The following FARSB variants were observed in gnomAD, a reference collection of about 807,000 sequenced individuals.
FARSB encodes the protein phenylalanyl-tRNA synthetase subunit beta.
A neutral mutation model predicts 69.6 loss-of-function variants in FARSB; 40 were observed. The observed-to-expected ratio is 0.57, with a 90% CI of 0.45 to 0.75. The LOEUF is 0.75. Among genes scored for constraint, FARSB ranks in the 30% least tolerant of loss-of-function variants. The pLI, the probability that FARSB is intolerant of heterozygous loss-of-function variation, is 0.00. For missense variants in FARSB, 632 were observed against 722.9 expected (o/e 0.87, Z 1.44); for synonymous variants, 235 against 247.2 (o/e 0.95, Z 0.46).
intron 2 of FARSB, among the ~76,000 whole-genome samples, 193 bp downstream of exon 2, chr2:222,648,547 T>C (rs1199573961): frequency 6.6e-6 from 1 of 152,238 alleles, no homozygotes; most frequent in Non-Finnish European, 1.5e-5. Flanking sequence ...GAATAAGGCA[T>C]GAACTCCTTT....
intron 1 of FARSB, among the ~76,000 whole-genome samples, chr2:222,653,682 G>A (rs1225182134): frequency 1.3e-5 from 2 of 150,708 alleles, no homozygotes; most frequent in Non-Finnish European, 2.9e-5. Context: ...CAGGGCTGGA[G>A]TGCAGTGGCT....
intron 16 of FARSB, among the ~76,000 whole-genome samples, chr2:222,593,113 G>A (rs192483115): frequency 1.2e-3 from 186 of 152,178 alleles, no homozygotes; most frequent in African/African-American, 4.2e-3. Context: ...CAGATAAGAG[G>A]AGACTACTAT....
chr2:222,616,405 G>C (rs1185313252), intron 14 of FARSB, among the ~76,000 whole-genome samples: 1 of 151,978 alleles, frequency 6.6e-6, no homozygotes, highest in African/African-American at 2.4e-5. Flanking sequence ...AAATTAGCTG[G>C]GCGCGGCAGC....
rs1054521434 is a variant in FARSB at position 222,599,970 on chromosome 2, G to C, written c.1576C>G (p.Pro526Ala). 8.7e-6 allele frequency: 14 copies of C among 1,608,742 alleles called. No homozygotes were observed. The Admixed American group carries it at 2.1e-4, about 24-fold the overall frequency. The change falls in exon 16 of 17, where the codon CCT (proline) becomes GCT (alanine). Residue 526 changes from proline (P) to alanine (A), a missense_variant. Coordinates refer to ENST00000281828, the MANE Select transcript of FARSB (RefSeq NM_005687.5). ...ACATATCCCCCCTTGTCTTCACCAG[G>C]AGGCACATCGAGCAACTGCATAATT... ...DRIMQLLDVPPGEDKGGYVIK... is the reference protein window; with the variant it reads ...DRIMQLLDVPAGEDKGGYVIK...
intron 15 of FARSB, among the ~76,000 whole-genome samples, chr2:222,602,774 G>A (rs1203079602): frequency 6.6e-6 from 1 of 152,060 alleles, no homozygotes; most frequent in Admixed American, 6.5e-5. Context: ...ATGAAAGAAC[G>A]TGGTGTATCT....
At chr2:222,613,329 G>A (rs1388241974) in intron 15 of FARSB, among the ~76,000 whole-genome samples, 1 of 152,194 alleles carries the variant, frequency 6.6e-6, no homozygotes, top group Non-Finnish European at 1.5e-5. Flanking sequence ...GCTGAGGCGG[G>A]TGGTCAGAAG....
At chr2:222,608,635 A>G (rs1191852381) in intron 15 of FARSB, among the ~76,000 whole-genome samples, 1 of 152,244 alleles carries the variant, frequency 6.6e-6, no homozygotes, top group Non-Finnish European at 1.5e-5. Context: ...TCTACATCCA[A>G]ACTAAGCAGG....
In FARSB at chr2:222,606,063, A is replaced by G. The variant is rs1690697439; in HGVS notation, c.1463-5980T>C. Among the ~76,000 whole-genome samples, 7 of 152,212 alleles carry G rather than the reference A, an allele frequency of 4.6e-5. No individual in the cohort carries two copies. In the South Asian group the frequency reaches 1.5e-3, roughly 32 times the overall value. ...TTAATTTTGCAATATTTTTAAGAAA[A>G]GCCTGATTTCTAGGGCTTTGTATTA... On this transcript the variant is annotated intron_variant, in intron 15 of 16. Coordinates refer to ENST00000281828, the MANE Select transcript of FARSB (RefSeq NM_005687.5).
chr2:222,616,471 C>T (rs1022437854), intron 14 of FARSB, among the ~76,000 whole-genome samples: 1 of 139,038 alleles, frequency 7.2e-6, no homozygotes, highest in Non-Finnish European at 1.5e-5. Flanking sequence ...TGCTTGAACC[C>T]AGAAGGCGGA....
chr2:222,623,109 A>C (rs1030249096), intron 13 of FARSB, among the ~76,000 whole-genome samples: 7 of 152,138 alleles, frequency 4.6e-5, no homozygotes, highest in Non-Finnish European at 8.8e-5. Context: ...TTGCATACAC[A>C]TTTTATTCTT....
Position 222,567,181 on chromosome 2 carries a change from A to G in FARSB, c.*4690T>C, listed in dbSNP as rs551094374. ...ATCACCTGCCAAAGGCCTCATCTCC[A>G]AAGACCATCACACTGGAGGTCAGAG... On this transcript the variant is annotated 3_prime_UTR_variant, in exon 17 of 17. Transcript: ENST00000281828. The G allele has an allele frequency of 1.3e-5, 2 of 152,328 alleles. No individual in the cohort carries two copies. Among genetic ancestry groups the G allele is most frequent in the East Asian group, 3.9e-4 (2 of 5,182 alleles). The allele number at this position is 152,328 out of a possible 1,614,324, so 9.4% of individuals were successfully genotyped here.
intron 12 of FARSB, 147 bp downstream of exon 12, chr2:222,624,125 T>C: frequency 1.6e-6 from 1 of 639,060 alleles, no homozygotes. Context: ...GGCATCTGTT[T>C]TGTATCCTCT....
intron 13 of FARSB, 133 bp downstream of exon 13, chr2:222,623,517 C>A: frequency 1.4e-6 from 1 of 704,496 alleles, no homozygotes; most frequent in South Asian, 1.6e-5. Context: ...TCTCAAGTAA[C>A]AAAGTTATTC....
intron 15 of FARSB, among the ~76,000 whole-genome samples, chr2:222,605,167 C>A (rs1690669387): frequency 6.6e-6 from 1 of 151,176 alleles, no homozygotes. Context: ...AACTTTCTCT[C>A]TCTCTCTCTC....
chr2:222,569,792 G>A lies in FARSB; in HGVS notation c.*2079C>T, dbSNP rs925232742. 6.6e-6 allele frequency: 1 copy of A among 152,194 alleles called. No homozygotes were observed. Among genetic ancestry groups the A allele is most frequent in the African/African-American group, 2.4e-5 (1 of 41,440 alleles). 9.4% of individuals were successfully genotyped at this position (152,194 alleles called of 1,614,324 possible). A position where few individuals can be genotyped will look rare whatever the true frequency, so the allele number is the denominator to read the frequency against. ...TTCATTCATGTTGTTTTGAGGATCA[G>A]TAGTTCATTCCTTCTTATTGCTGAG... On this transcript the variant is annotated 3_prime_UTR_variant, in exon 17 of 17. Transcript: ENST00000281828.
chr2:222,639,085 A>G (rs935763359), intron 5 of FARSB, among the ~76,000 whole-genome samples: 2 of 152,234 alleles, frequency 1.3e-5, no homozygotes, highest in Non-Finnish European at 2.9e-5. Context: ...TAAAGACTGA[A>G]TAAGTAAAAT....
chr2:222,612,463 A>C (rs1690882004), intron 15 of FARSB, among the ~76,000 whole-genome samples: 2 of 152,238 alleles, frequency 1.3e-5, no homozygotes. Context: ...AGCTCTGGTC[A>C]TACCTCTATA....
Position 222,640,862 on chromosome 2 carries a change from C to T in FARSB, c.339G>A (p.Glu113=), listed in dbSNP as rs1691702431. The change falls in exon 4 of 17, where the codon GAG becomes GAA. Residue 113 remains glutamate, a splice_region_variant and synonymous_variant. Coordinates refer to ENST00000281828, the MANE Select transcript of FARSB (RefSeq NM_005687.5). ...AAAAATAAGAATTTGTCCTTATTAC[C>T]TCTTCTGTGATAATCAATTTCTGGA... The part of the protein sequence containing the change: ...GKIQKLIITE[E]TAKIRPFAVA... The T allele has an allele frequency of 1.3e-6, 2 of 1,512,410 alleles. No individual in the cohort carries two copies. Among genetic ancestry groups the T allele is most frequent in the Non-Finnish European group, 1.8e-6 (2 of 1,099,008 alleles). 93.7% of individuals were successfully genotyped at this position (1,512,410 alleles called of 1,614,324 possible). A position where few individuals can be genotyped will look rare whatever the true frequency, so the allele number is the denominator to read the frequency against.
At chr2:222,637,963 C>T (rs1691628036) in intron 5 of FARSB, among the ~76,000 whole-genome samples, 4 of 151,854 alleles carry the variant, frequency 2.6e-5, no homozygotes, top group Non-Finnish European at 1.5e-5. Context: ...GCCTGGACAA[C>T]AGAGAAAAAC....
Sources: allele counts gnomAD v4.1 joint callset (sites outside exome capture counted in the v4.1 genomes callset), GRCh38; gene constraint gnomAD v4.1.1; transcripts MANE v1.5; gene names NCBI Gene and HGNC (gene_info 2026-07-23, HGNC 2026-07-21).